Variants in MMP16 observed in about 807,000 individuals in gnomAD.
MMP16 encodes matrix metalloproteinase-16.
Under a neutral mutation model 67.8 loss-of-function variants are expected in MMP16, and 12 were observed. The observed-to-expected ratio is 0.18, with a 90% confidence interval of 0.11 to 0.29. MMP16 has a LOEUF of 0.29. Among genes scored for constraint, MMP16 ranks in the 10% least tolerant of loss-of-function variants. The pLI is 1.00. For missense variants in MMP16, 475 were observed against 765.7 expected (o/e 0.62, Z 4.48); for synonymous variants, 249 against 255.9 (o/e 0.97, Z 0.26).
chr8:88,172,356 T>C (rs779635592), intron 3 of MMP16, among the ~76,000 whole-genome samples: 4 of 152,174 alleles, frequency 2.6e-5, no homozygotes, highest in Non-Finnish European at 4.4e-5. Context: ...ATACAAGATA[T>C]ACAAGTATGC....
chr8:88,136,807 T>C (rs1808126015), intron 4 of MMP16, among the ~76,000 whole-genome samples: 1 of 151,722 alleles, frequency 6.6e-6, no homozygotes. Context: ...CTATTAAAAA[T>C]AGCAATGCTA....
At chr8:88,238,663 TAAAAAAAAAAAAAAA>T (rs34127125) in intron 1 of MMP16, among the ~76,000 whole-genome samples, 5 of 99,902 alleles carry the variant, frequency 5.0e-5, no homozygotes, top group African/African-American at 1.9e-4. Context: ...AAGACTCTGT[TAAAAAAAAAAAAAAA>T]AAAAAAAAAA....
chr8:88,237,520 T>G (rs1366877311), intron 1 of MMP16, among the ~76,000 whole-genome samples: 1 of 149,220 alleles, frequency 6.7e-6, no homozygotes, highest in Non-Finnish European at 1.5e-5. Flanking sequence ...TAGTGGCGGG[T>G]GCCTGTTAGT....
intron 3 of MMP16, among the ~76,000 whole-genome samples, chr8:88,177,410 C>A (rs1458044673): frequency 6.6e-6 from 1 of 152,112 alleles, no homozygotes; most frequent in Non-Finnish European, 1.5e-5. Context: ...GGGGCAAATA[C>A]AGAGACTCAC....
chr8:88,200,216 C>A (rs2129788947), intron 1 of MMP16, among the ~76,000 whole-genome samples: 1 of 152,008 alleles, frequency 6.6e-6, no homozygotes, highest in East Asian at 1.9e-4. Flanking sequence ...CTTGAAAACT[C>A]CCCAAATCCA....
At chr8:88,112,749 T>A (rs1006350452) in intron 6 of MMP16, among the ~76,000 whole-genome samples, 1 of 150,906 alleles carries the variant, frequency 6.6e-6, no homozygotes, top group African/African-American at 2.4e-5. Flanking sequence ...CTAGGTGAAC[T>A]CACTTTAAAT....
chr8:88,149,055 C>G (rs1346868023), intron 4 of MMP16, among the ~76,000 whole-genome samples: 2 of 152,178 alleles, frequency 1.3e-5, no homozygotes, highest in Non-Finnish European at 2.9e-5. Flanking sequence ...CTGGGAAGCG[C>G]AAGGGGTCAG....
At chr8:88,145,314 G>GT (rs1338989701) in intron 4 of MMP16, among the ~76,000 whole-genome samples, 1 of 151,770 alleles carries the variant, frequency 6.6e-6, no homozygotes, top group East Asian at 1.9e-4. Flanking sequence ...AAATATTTGT[G>GT]TATCTACATT....
intron 1 of MMP16, among the ~76,000 whole-genome samples, chr8:88,318,239 T>C (rs149739316): frequency 6.6e-6 from 1 of 152,204 alleles, no homozygotes; most frequent in Non-Finnish European, 1.5e-5. Flanking sequence ...TAAACTGCAA[T>C]ATAACAAATA....
At chr8:88,057,300 T>C (rs1488205730) in intron 7 of MMP16, among the ~76,000 whole-genome samples, 1 of 152,106 alleles carries the variant, frequency 6.6e-6, no homozygotes, top group Non-Finnish European at 1.5e-5. Flanking sequence ...CTTCTTATCC[T>C]AAATAAGGAA....
At chr8:88,189,790 A>G (rs1239481549) in intron 2 of MMP16, among the ~76,000 whole-genome samples, 2 of 152,100 alleles carry the variant, frequency 1.3e-5, no homozygotes, top group Non-Finnish European at 1.5e-5. Context: ...TTAATATTCA[A>G]CTCACATAGA....
rs201990675 is a variant in MMP16, at chr8:88,041,069, CT to C, written c.*391del. 6.3e-5 allele frequency: 10 copies of C among 159,688 alleles called. No individual in the cohort carries two copies. Among genetic ancestry groups the C allele is most frequent in the Non-Finnish European group, 8.1e-5 (6 of 73,682 alleles). 9.9% of individuals were successfully genotyped at this position (159,688 alleles called of 1,614,324 possible). ...GAAAAACCGTGGGTTTTCTGATTTG[CT>C]TTTTTTTTCTCCCCCCAGAAATGGG... On this transcript the variant is annotated 3_prime_UTR_variant, in exon 10 of 10. Transcript: ENST00000286614. The surrounding 1 kb of genome is among the most constrained non-coding windows in gnomAD (Gnocchi z 6.0).
intron 1 of MMP16, among the ~76,000 whole-genome samples, chr8:88,270,064 CA>C (rs1810541210): frequency 1.3e-5 from 2 of 152,150 alleles, no homozygotes; most frequent in African/African-American, 2.4e-5. Flanking sequence ...TCAAGCACTT[CA>C]ACACTTTTGG....
intron 9 of MMP16, 38 bp downstream of exon 9, chr8:88,046,631 A>G (rs769438790): frequency 2.2e-6 from 3 of 1,359,758 alleles, no homozygotes; most frequent in African/African-American, 1.5e-5. Flanking sequence ...TTACTAAGAT[A>G]GCAAACTTAT....
chr8:88,124,986 T>A (rs1367638243), intron 4 of MMP16, among the ~76,000 whole-genome samples: 1 of 151,890 alleles, frequency 6.6e-6, no homozygotes, highest in Non-Finnish European at 1.5e-5. Flanking sequence ...CATCCAACCC[T>A]AATTATCTCT....
intron 1 of MMP16, among the ~76,000 whole-genome samples, chr8:88,223,430 C>T (rs936662963): frequency 2.0e-5 from 3 of 151,958 alleles, no homozygotes; most frequent in African/African-American, 7.3e-5. Context: ...ATAGCAAAGA[C>T]TTGGAACCAA....
At chr8:88,088,602 G>A (rs1014944490) in intron 6 of MMP16, among the ~76,000 whole-genome samples, 4 of 151,984 alleles carry the variant, frequency 2.6e-5, no homozygotes, top group Admixed American at 2.6e-4. Context: ...TGCCATAACA[G>A]GGGAGACTAA....
chr8:88,033,354 C>T lies in MMP16; in HGVS notation c.*8107G>A, dbSNP rs1479280912. On this transcript the variant is annotated 3_prime_UTR_variant, in exon 10 of 10. Transcript: ENST00000286614. ...TTCCTAAATCTATATTACCAGATAG[C>T]TTATATGGATGTCATAAATCTGCAT... 6.7e-6 allele frequency: 1 copy of T among 149,990 alleles called. No individual in the cohort carries two copies. The highest frequency in any genetic ancestry group is 1.5e-5 in the Non-Finnish European group (1 of 67,552). 9.3% of individuals were successfully genotyped at this position (149,990 alleles called of 1,614,324 possible). A position where few individuals can be genotyped will look rare whatever the true frequency, so the allele number is the denominator to read the frequency against.
intron 1 of MMP16, among the ~76,000 whole-genome samples, chr8:88,325,853 G>T (rs902980303): frequency 6.6e-6 from 1 of 151,758 alleles, no homozygotes; most frequent in African/African-American, 2.4e-5. Flanking sequence ...CTTATTACAT[G>T]AAGTCCTAAG....
Sources: allele counts gnomAD v4.1 joint callset (sites outside exome capture counted in the v4.1 genomes callset), GRCh38; gene constraint gnomAD v4.1.1; non-coding constraint Gnocchi (gnomAD v3.1); transcripts MANE v1.5; gene names NCBI Gene and HGNC (gene_info 2026-07-23, HGNC 2026-07-21).